Variants in ADD2 observed in about 807,000 individuals in gnomAD.
ADD2 encodes adducin 2, also known as beta-adducin.
ADD2 carries 23 observed loss-of-function variants against 83.0 expected under a neutral mutation model. The observed-to-expected ratio is 0.28, with a 90% CI of 0.20 to 0.39. ADD2 has a LOEUF of 0.39. Ranked by LOEUF, ADD2 falls within the 10% of genes least tolerant of loss-of-function variation. The probability of loss-of-function intolerance (pLI) is 1.00; values close to 1 mark genes in which losing one functional copy is unlikely to be tolerated. For synonymous variants in ADD2, 375 were observed against 375.4 expected, an observed-to-expected ratio of 1.00 and a Z score of 0.01; for missense variants, 758 against 944.9, an observed-to-expected ratio of 0.80 and a Z score of 2.59.
At chr2:70,703,181 G>T (rs1165222902) in intron 4 of ADD2, among the ~76,000 whole-genome samples, 1 of 150,990 alleles carries the variant, frequency 6.6e-6, no homozygotes, top group Non-Finnish European at 1.5e-5. Flanking sequence ...AAAGAAAAAG[G>T]AAAGGAAAGG....
intron 6 of ADD2, 75 bp downstream of exon 6, chr2:70,695,646 G>A (rs2104340293): frequency 7.2e-7 from 1 of 1,394,660 alleles, no homozygotes; most frequent in Non-Finnish European, 1.0e-6. Context: ...ATTTGGAGAT[G>A]ACCTAGCACT....
At chr2:70,737,491 T>C (rs1673635865) in intron 1 of ADD2, among the ~76,000 whole-genome samples, 1 of 146,990 alleles carries the variant, frequency 6.8e-6, no homozygotes, top group African/African-American at 2.5e-5. Flanking sequence ...AACCAAACAC[T>C]GCATGTTCTC....
chr2:70,665,824 T>G (rs1300901395), intron 15 of ADD2, among the ~76,000 whole-genome samples: 3 of 151,814 alleles, frequency 2.0e-5, no homozygotes, highest in Non-Finnish European at 4.4e-5. Flanking sequence ...TTTTGTTTTT[T>G]TTTTTTTCCC....
chr2:70,723,244 A>G (rs1236879769), intron 1 of ADD2, among the ~76,000 whole-genome samples: 2 of 152,232 alleles, frequency 1.3e-5, no homozygotes, highest in Admixed American at 1.3e-4. Flanking sequence ...AATGTGGAGA[A>G]GAACAGTCCC....
intron 4 of ADD2, 41 bp downstream of exon 4, chr2:70,704,280 C>A: frequency 1.3e-6 from 2 of 1,509,718 alleles, no homozygotes; most frequent in East Asian, 2.5e-5. Context: ...CCCACCCTCC[C>A]CTCCACCTCT....
intron 4 of ADD2, among the ~76,000 whole-genome samples, chr2:70,699,459 G>A (rs1260388740): frequency 3.3e-5 from 5 of 152,178 alleles, no homozygotes; most frequent in Non-Finnish European, 7.3e-5. Context: ...CAGAATGTCA[G>A]ATGGCAATGC....
At chr2:70,668,657 T>C (rs1291499910) in intron 15 of ADD2, among the ~76,000 whole-genome samples, 1 of 152,206 alleles carries the variant, frequency 6.6e-6, no homozygotes, top group Non-Finnish European at 1.5e-5. Context: ...GAGGATGCCT[T>C]GTATCAGCTC....
rs1558510827 is a variant in ADD2 at position 70,658,407 on chromosome 2, T to C, written c.*5018A>G. Reference sequence around the variant, plus strand: ...ACTCCATGTACGCTTTCTTATGTTATGGTGCAAGTGGAAATGTGCACAGAT... The same window carrying C: ...ACTCCATGTACGCTTTCTTATGTTACGGTGCAAGTGGAAATGTGCACAGAT... On this transcript the variant is annotated 3_prime_UTR_variant, in exon 16 of 16. Coordinates refer to ENST00000264436, the MANE Select transcript of ADD2 (RefSeq NM_001617.4). 1 of 152,206 alleles carries C rather than the reference T, an allele frequency of 6.6e-6. No homozygotes were observed. Among genetic ancestry groups the C allele is most frequent in the Non-Finnish European group, 1.5e-5 (1 of 68,038 alleles). The allele number at this position is 152,206 out of a possible 1,614,324, so 9.4% of individuals were successfully genotyped here.
intron 1 of ADD2, among the ~76,000 whole-genome samples, chr2:70,764,044 T>C (rs1013254930): frequency 6.6e-6 from 1 of 151,718 alleles, no homozygotes; most frequent in East Asian, 1.9e-4. Context: ...CCCACCACCA[T>C]GCTCAGCTAA....
intron 1 of ADD2, among the ~76,000 whole-genome samples, chr2:70,715,285 G>T (rs1672406061): frequency 6.6e-6 from 1 of 152,160 alleles, no homozygotes; most frequent in Admixed American, 6.5e-5. Flanking sequence ...GGGGAGTTTA[G>T]ATAATCCTGG....
intron 1 of ADD2, among the ~76,000 whole-genome samples, chr2:70,743,130 A>G (rs541893246): frequency 1.1e-3 from 170 of 152,310 alleles, no homozygotes; most frequent in African/African-American, 3.9e-3. Flanking sequence ...CTTATGATAG[A>G]CTGGTCAGCG....
At chr2:70,671,589 C>T (rs1000023958) in intron 15 of ADD2, among the ~76,000 whole-genome samples, 3 of 152,128 alleles carry the variant, frequency 2.0e-5, no homozygotes, top group South Asian at 2.1e-4. Flanking sequence ...TATTCAGAAT[C>T]GGAGGAAACT....
chr2:70,688,069 C>A lies in ADD2; in HGVS notation c.903G>T (p.Glu301Asp), dbSNP rs1553370842. Reference protein sequence around the residue: ...GVVALGDTVEEAFYKIFHLQA... With the variant: ...GVVALGDTVEDAFYKIFHLQA... ...GCAGGTGGAAGATCTTGTAAAATGC[C>A]TCCTCTACCGTGTCACCCAGAGCAA... Residue 301 changes from glutamate to aspartate, a missense_variant, in exon 9 of 16, where the codon GAG becomes GAT. Transcript: ENST00000264436. The A allele has an allele frequency of 6.2e-7, 1 of 1,614,200 alleles. No individual in the cohort carries two copies. The highest frequency in any genetic ancestry group is 1.7e-5 in the Admixed American group (1 of 60,034).
At chr2:70,724,207 T>C (rs1672869418) in intron 1 of ADD2, among the ~76,000 whole-genome samples, 2 of 152,192 alleles carry the variant, frequency 1.3e-5, no homozygotes, top group Non-Finnish European at 2.9e-5. Context: ...GTCCAGACAC[T>C]GTGCCAGCAC....
chr2:70,726,779 G>C (rs1673023554), intron 1 of ADD2, among the ~76,000 whole-genome samples: 1 of 152,168 alleles, frequency 6.6e-6, no homozygotes, highest in Non-Finnish European at 1.5e-5. Flanking sequence ...TGGCATGCAT[G>C]CCCCAGGTTT....
intron 12 of ADD2, 140 bp from the exon 13 acceptor site, chr2:70,677,025 TTG>T: frequency 7.3e-7 from 1 of 1,368,388 alleles, no homozygotes; most frequent in Non-Finnish European, 9.6e-7. Flanking sequence ...AATGCAATCC[TTG>T]TACTTTAAGG....
chr2:70,689,370 A>G (rs1670910182), intron 8 of ADD2, among the ~76,000 whole-genome samples: 1 of 152,282 alleles, frequency 6.6e-6, no homozygotes, highest in Non-Finnish European at 1.5e-5. Flanking sequence ...TCCATGTGTC[A>G]GATCTGTCTC....
intron 1 of ADD2, among the ~76,000 whole-genome samples, chr2:70,759,539 A>G (rs1362465373): frequency 6.6e-6 from 1 of 152,128 alleles, no homozygotes; most frequent in Non-Finnish European, 1.5e-5. Context: ...TGGATCCCTC[A>G]TGAATGGCTT....
intron 4 of ADD2, 136 bp from the exon 5 acceptor site, chr2:70,696,532 AC>A: frequency 8.5e-7 from 1 of 1,180,720 alleles, no homozygotes; most frequent in East Asian, 2.6e-5. Context: ...ACATTCTTTG[AC>A]CCTTACCTGG....
Sources: allele counts gnomAD v4.1 joint callset (sites outside exome capture counted in the v4.1 genomes callset), GRCh38; gene constraint gnomAD v4.1.1; transcripts MANE v1.5; gene names NCBI Gene and HGNC (gene_info 2026-07-23, HGNC 2026-07-21).